The following DHRS7 variants were observed in gnomAD, a reference collection of about 807,000 sequenced individuals.
DHRS7 encodes the protein dehydrogenase/reductase SDR family member 7.
DHRS7 carries 34 observed loss-of-function variants against 38.9 expected under a neutral mutation model. That is an observed-to-expected ratio of 0.87 (90% CI 0.66 to 1.16). The LOEUF is 1.16. Among genes scored for constraint, DHRS7 ranks in the 50% most tolerant of loss-of-function variants. The probability of loss-of-function intolerance (pLI) is 0.00; values close to 1 mark genes in which losing one functional copy is unlikely to be tolerated. For synonymous variants in DHRS7, 158 were observed against 153.1 expected (o/e 1.03, Z -0.24); for missense variants, 421 against 407.0 (o/e 1.03, Z -0.30).
rs1186072618 is a variant in DHRS7, at chr14:60,153,363, G to A, written c.394-185C>T. The stretch of plus-strand genomic sequence containing the variant: ...AATTTACCTGTGGAATTAAATTCCC[G>A]TTTTAGGTGACTTTTTGTGAAAGTT... On this transcript the variant is annotated intron_variant, in intron 3 of 6. Coordinates refer to ENST00000557185, the MANE Select transcript of DHRS7 (RefSeq NM_016029.4). This position sits in a 1 kb window ranked among gnomAD's most constrained non-coding sequence, Gnocchi z 4.4. 5.9e-5 allele frequency among the ~76,000 whole-genome samples: 9 copies of A among 152,070 alleles called. No individual in the cohort carries two copies. Among genetic ancestry groups the A allele is most frequent in the Non-Finnish European group, 1.0e-4 (7 of 68,010 alleles).
At chr14:60,164,575 A>G (rs1896829010) in intron 1 of DHRS7, among the ~76,000 whole-genome samples, 1 of 152,238 alleles carries the variant, frequency 6.6e-6, no homozygotes, top group Non-Finnish European at 1.5e-5. Context: ...ACACAGATAA[A>G]GTGAGATAGG....
Position 60,153,920 on chromosome 14 carries a change from C to T in DHRS7, c.393+39G>A. 1 of 1,576,406 alleles carries T rather than the reference C, an allele frequency of 6.3e-7. No individual in the cohort carries two copies. The highest frequency in any genetic ancestry group is 8.7e-7 in the Non-Finnish European group (1 of 1,146,212). On this transcript the variant is annotated intron_variant, in intron 3 of 6. Transcript: ENST00000557185. The surrounding 1 kb of genome is among the most constrained non-coding windows in gnomAD (Gnocchi z 4.4). ...CGGATGGGAATCTCTTCTGCAGTTA[C>T]TTCAAAGCAAGACTATATCAATATA... is the stretch of plus-strand genomic sequence containing the variant.
Position 60,152,927 on chromosome 14 carries a change from G to A in DHRS7, c.633+12C>T, listed in dbSNP as rs371163829. The A allele has an allele frequency of 5.6e-6, 9 of 1,613,698 alleles. No individual in the cohort carries two copies. The highest frequency in any genetic ancestry group is 2.7e-5 in the African/African-American group (2 of 74,912). ...AGTCAGTTCTATCAGAGTTGAGTTT[G>A]AGCAGCCTTACCCGGAGAGCATGCT... On this transcript the variant is annotated intron_variant, in intron 4 of 6. Coordinates refer to ENST00000557185, the MANE Select transcript of DHRS7 (RefSeq NM_016029.4).
chr14:60,160,547 T>C (rs1345470946), intron 1 of DHRS7, among the ~76,000 whole-genome samples: 1 of 151,116 alleles, frequency 6.6e-6, no homozygotes, highest in Non-Finnish European at 1.5e-5. Context: ...TTGGGAAATA[T>C]ATGAGAGTAG....
At chr14:60,149,115 G>A (rs559998096) in intron 6 of DHRS7, 1 of 487,840 alleles carries the variant, frequency 2.0e-6, no homozygotes, top group African/African-American at 1.9e-5. Flanking sequence ...TGGGATTACA[G>A]GCATGCACCA....
Position 60,154,028 on chromosome 14 carries a change from C to T in DHRS7, c.324G>A (p.Leu108=). The T allele has an allele frequency of 1.9e-6, 3 of 1,613,964 alleles. No homozygotes were observed. Among genetic ancestry groups the T allele is most frequent in the South Asian group, 1.1e-5 (1 of 91,078 alleles). Residue 108 remains leucine (L), a synonymous_variant, in exon 3 of 7, where the codon TTG becomes TTA. Coordinates refer to ENST00000557185, the MANE Select transcript of DHRS7 (RefSeq NM_016029.4). ...GNLKEKDILV[L]PLDLTDTGSH... is the part of the protein sequence containing the mutation. ...AACCAGTGTCGGTCAGGTCAAGGGG[C>T]AAAACAAGTATATCTTTTTCTTTTA...
rs770886627 is a variant in DHRS7 at position 60,149,472 on chromosome 14, A to G, written c.853T>C (p.Trp285Arg). 1 of 1,614,202 alleles carries G rather than the reference A, an allele frequency of 6.2e-7. No homozygotes were observed. Among genetic ancestry groups the G allele is most frequent in the East Asian group, 2.2e-5 (1 of 44,888 alleles). ...ISMANDLKEV[W>R]ISEQPFLLVT... ...AACAAGAAAGGTTGTTCTGAGATCC[A>G]AACTTCTTTCAAATCATTGGCCATG... The change falls in exon 6 of 7, where the codon TGG becomes CGG. Residue 285 changes from tryptophan to arginine, a missense_variant. Coordinates refer to ENST00000557185, the MANE Select transcript of DHRS7 (RefSeq NM_016029.4).
rs902466533 is a variant in DHRS7 at position 60,154,846 on chromosome 14, G to C, written c.287-781C>G. 5.9e-5 allele frequency among the ~76,000 whole-genome samples: 9 copies of C among 152,164 alleles called. 1 individual carries two copies. Among genetic ancestry groups the C allele is most frequent in the Admixed American group, 5.9e-4 (9 of 15,286 alleles). On this transcript the variant is annotated intron_variant, in intron 2 of 6. Coordinates refer to ENST00000557185, the MANE Select transcript of DHRS7 (RefSeq NM_016029.4). ...CTGACCTGGTTCATCTACTCCACCA[G>C]TACAGGACTTGCAAGTCACAGCAGT...
chr14:60,165,031 C>G lies in DHRS7; in HGVS notation c.133+146G>C. 2 of 1,044,552 alleles carry G rather than the reference C, an allele frequency of 1.9e-6. No homozygotes were observed. Among genetic ancestry groups the G allele is most frequent in the Non-Finnish European group, 2.8e-6 (2 of 723,716 alleles). The allele number at this position is 1,044,552 out of a possible 1,614,324, so 64.7% of individuals were successfully genotyped here. A position where few individuals can be genotyped will look rare whatever the true frequency, so the allele number is the denominator to read the frequency against. On this transcript the variant is annotated intron_variant, in intron 1 of 6. Coordinates refer to ENST00000557185, the MANE Select transcript of DHRS7 (RefSeq NM_016029.4). This position sits in a 1 kb window ranked among gnomAD's most constrained non-coding sequence, Gnocchi z 4.6. ...CCTCTTCCTCCCCAACCCGCAGCCC[C>G]TGCGTAAGGGGCAGCCGGGCCTTCG...
intron 1 of DHRS7, among the ~76,000 whole-genome samples, chr14:60,163,991 G>A (rs972192476): frequency 6.6e-6 from 1 of 152,280 alleles, no homozygotes; most frequent in South Asian, 2.1e-4. Context: ...AAAGGAGAAA[G>A]CCCAATCACT....
intron 1 of DHRS7, among the ~76,000 whole-genome samples, chr14:60,157,757 A>G (rs889541884): frequency 1.2e-4 from 16 of 135,984 alleles, no homozygotes; most frequent in Admixed American, 1.0e-3. Context: ...TAACTACTGA[A>G]TAAACACCCA....
Position 60,156,046 on chromosome 14 carries a change from T to C in DHRS7, c.240A>G (p.Ser80=), listed in dbSNP as rs374229554. ...TTTCCAGCTCATGCACTCTTCTGGC[T>C]GACAGCACAAGAGAAACTCCTAGTT... ...LSKLGVSLVL[S]ARRVHELERV... is the part of the protein sequence containing the mutation. The change falls in exon 2 of 7, where the codon TCA becomes TCG. Residue 80 remains serine, a synonymous_variant. Coordinates refer to ENST00000557185, the MANE Select transcript of DHRS7 (RefSeq NM_016029.4). 77 of 1,602,420 alleles carry C rather than the reference T, an allele frequency of 4.8e-5. No homozygotes were observed. The highest frequency in any genetic ancestry group is 1.7e-4 in the Middle Eastern group (1 of 6,046).
At chr14:60,157,028 T>C (rs1378628266) in intron 1 of DHRS7, among the ~76,000 whole-genome samples, 1 of 152,226 alleles carries the variant, frequency 6.6e-6, no homozygotes, top group Non-Finnish European at 1.5e-5. Context: ...GGGTGACTTA[T>C]TTACTAAAAT....
In DHRS7 at chr14:60,148,875, C is replaced by T. The variant is rs189546012; in HGVS notation, c.972+478G>A. Reference sequence around the variant, plus strand: ...TTACCTTGTAAGAAACTTCTCTCTCCAAGACTAGTAATAATTTATAGTAAA... The same window carrying T: ...TTACCTTGTAAGAAACTTCTCTCTCTAAGACTAGTAATAATTTATAGTAAA... On this transcript the variant is annotated intron_variant, in intron 6 of 6. Transcript: ENST00000557185. This position sits in a 1 kb window ranked among gnomAD's most constrained non-coding sequence, Gnocchi z 4.8. The T allele has an allele frequency of 6.4e-6, 1 of 155,186 alleles. No individual in the cohort carries two copies. The highest frequency in any genetic ancestry group is 2.4e-5 in the African/African-American group (1 of 41,524). 9.6% of individuals were successfully genotyped at this position (155,186 alleles called of 1,614,324 possible). A position where few individuals can be genotyped will look rare whatever the true frequency, so the allele number is the denominator to read the frequency against.
intron 6 of DHRS7, chr14:60,147,735 G>A (rs144808612): frequency 5.3e-5 from 8 of 152,290 alleles, no homozygotes; most frequent in African/African-American, 1.9e-4. Flanking sequence ...TGGGGAGACT[G>A]AGTGATAGAG....
At chr14:60,168,058 G>A (rs944349714), upstream of DHRS7, among the ~76,000 whole-genome samples, 8 of 152,104 alleles carry the variant, frequency 5.3e-5, no homozygotes, top group Non-Finnish European at 1.2e-4. Flanking sequence ...TTCAGGTCAT[G>A]GTCTAGTTTT....
In DHRS7 at chr14:60,149,516, A is replaced by C; in HGVS notation, c.809T>G (p.Val270Gly). ...GGCCATGCTGATTAACATCAGCCGCACACAACGACTGGTTGTCATCTTGTG... is the reference window on the plus strand; with the variant it reads ...GGCCATGCTGATTAACATCAGCCGCCCACAACGACTGGTTGTCATCTTGTG... ...QSHKMTTSRC[V>G]RLMLISMAND... The change falls in exon 6 of 7, where the codon GTG (valine) becomes GGG (glycine). Residue 270 changes from valine to glycine, a missense_variant. Transcript: ENST00000557185. The C allele has an allele frequency of 6.2e-7, 1 of 1,614,138 alleles. No individual in the cohort carries two copies. Among genetic ancestry groups the C allele is most frequent in the Non-Finnish European group, 8.5e-7 (1 of 1,179,974 alleles).
Position 60,153,939 on chromosome 14 carries a change from C to T in DHRS7, c.393+20G>A, listed in dbSNP as rs944223029. The T allele has an allele frequency of 1.4e-5, 22 of 1,598,758 alleles. No individual in the cohort carries two copies. Among genetic ancestry groups the T allele is most frequent in the Non-Finnish European group, 1.7e-5 (20 of 1,166,308 alleles). On this transcript the variant is annotated intron_variant, in intron 3 of 6. Transcript: ENST00000557185. The surrounding 1 kb of genome is among the most constrained non-coding windows in gnomAD (Gnocchi z 4.4). ...CAGTTACTTCAAAGCAAGACTATAT[C>T]AATATAAGATGCTACTTACTCTACC...
rs745485620 is a variant in DHRS7 at position 60,152,989 on chromosome 14, T to C, written c.583A>G (p.Ile195Val). 2.5e-6 allele frequency: 4 copies of C among 1,614,172 alleles called. No homozygotes were observed. Among genetic ancestry groups the C allele is most frequent in the Admixed American group, 3.3e-5 (2 of 60,034 alleles). ...IVTVNSILGI[I>V]SVPLSIGYCA... ...TATCCAATGGAAAGAGGTACAGATA[T>C]GATACCCAGGATGCTATTCACAGTA... The change falls in exon 4 of 7, where the codon ATA (isoleucine) becomes GTA (valine). Residue 195 changes from isoleucine to valine, a missense_variant. Coordinates refer to ENST00000557185, the MANE Select transcript of DHRS7 (RefSeq NM_016029.4).
Sources: allele counts gnomAD v4.1 joint callset (sites outside exome capture counted in the v4.1 genomes callset), GRCh38; gene constraint gnomAD v4.1.1; non-coding constraint Gnocchi (gnomAD v3.1); transcripts MANE v1.5; gene names NCBI Gene and HGNC (gene_info 2026-07-23, HGNC 2026-07-21).